DNAH7: variants seen among roughly 807,000 people sequenced by gnomAD.
DNAH7 encodes dynein axonemal heavy chain 7, also known as axonemal beta dynein heavy chain 7.
DNAH7 carries 397 observed loss-of-function variants against 444.6 expected under a neutral mutation model. The observed-to-expected ratio is 0.89, with a 90% CI of 0.82 to 0.97. The LOEUF (loss-of-function observed/expected upper bound fraction) is 0.97, where lower values mean the gene tolerates loss of function less well. Ranked by LOEUF, DNAH7 falls within the 50% of genes least tolerant of loss-of-function variation. DNAH7 has a pLI of 0.00. For missense variants in DNAH7, 4,902 were observed against 4,800.8 expected, an observed-to-expected ratio of 1.02 and a Z score of -0.62; for synonymous variants, 1,636 against 1,624.4, an observed-to-expected ratio of 1.01 and a Z score of -0.17.
At chr2:195,888,503 GT>G (rs575274000) in intron 32 of DNAH7, 69 bp from the exon 33 acceptor site, 3 of 1,449,770 alleles carry the variant, frequency 2.1e-6, no homozygotes, top group Non-Finnish European at 1.8e-6. Flanking sequence ...TGGCACCTCT[GT>G]TTTTTTATAA....
At chr2:195,993,006 G>C (rs1444349428) in intron 12 of DNAH7, among the ~76,000 whole-genome samples, 1 of 152,110 alleles carries the variant, frequency 6.6e-6, no homozygotes, top group African/African-American at 2.4e-5. Flanking sequence ...TCACACAATG[G>C]GAATGTCTTT....
chr2:195,747,627 C>T (rs1176606746), intron 63 of DNAH7, among the ~76,000 whole-genome samples: 2 of 152,160 alleles, frequency 1.3e-5, no homozygotes, highest in East Asian at 1.9e-4. Flanking sequence ...CATCAAAAAG[C>T]TTATCCACCA....
At chr2:195,974,676 C>G (rs1692063220) in intron 15 of DNAH7, among the ~76,000 whole-genome samples, 1 of 151,054 alleles carries the variant, frequency 6.6e-6, no homozygotes. Flanking sequence ...CATTCATAAC[C>G]AAAGAATCAC....
intron 54 of DNAH7, among the ~76,000 whole-genome samples, chr2:195,799,997 G>A (rs1201287332): frequency 1.3e-5 from 2 of 152,158 alleles, no homozygotes; most frequent in Non-Finnish European, 1.5e-5. Context: ...AATTTTCTGG[G>A]AGCCTGTTTG....
At chr2:195,980,022 AC>A (rs1317715786) in intron 15 of DNAH7, among the ~76,000 whole-genome samples, 13 of 138,820 alleles carry the variant, frequency 9.4e-5, no homozygotes, top group Non-Finnish European at 1.5e-4. Flanking sequence ...TGATGGCTTC[AC>A]TGCTGAATTC....
chr2:195,941,462 A>AC (rs1306511443), intron 19 of DNAH7, among the ~76,000 whole-genome samples: 10 of 151,746 alleles, frequency 6.6e-5, no homozygotes, highest in African/African-American at 2.4e-4. Flanking sequence ...AAAAAAAAAA[A>AC]AAAAAAACCT....
At chr2:196,047,076 T>C (rs975248991) in intron 5 of DNAH7, among the ~76,000 whole-genome samples, 3 of 152,096 alleles carry the variant, frequency 2.0e-5, no homozygotes, top group African/African-American at 7.2e-5. Context: ...CCTGCTAGAA[T>C]CCTCCACTGG....
chr2:195,968,265 C>T (rs1483393583), intron 17 of DNAH7, among the ~76,000 whole-genome samples: 1 of 152,134 alleles, frequency 6.6e-6, no homozygotes, highest in East Asian at 1.9e-4. Flanking sequence ...AGGCCCATAG[C>T]ATACCACCTG....
At chr2:195,802,153 T>C (rs1390406224) in intron 54 of DNAH7, among the ~76,000 whole-genome samples, 1 of 152,212 alleles carries the variant, frequency 6.6e-6, no homozygotes, top group East Asian at 1.9e-4. Flanking sequence ...CACCTACACA[T>C]AAAGTTTCAT....
At chr2:196,023,229 TC>T (rs1695484563) in intron 8 of DNAH7, among the ~76,000 whole-genome samples, 1 of 152,110 alleles carries the variant, frequency 6.6e-6, no homozygotes, top group Non-Finnish European at 1.5e-5. Context: ...TCCTGCTCTC[TC>T]CATGTGAGAT....
chr2:196,009,722 C>G (rs1456507723), intron 10 of DNAH7, among the ~76,000 whole-genome samples: 1 of 152,096 alleles, frequency 6.6e-6, no homozygotes, highest in African/African-American at 2.4e-5. Context: ...AGTAGAGAGA[C>G]AACCTACAGA....
intron 19 of DNAH7, among the ~76,000 whole-genome samples, chr2:195,957,036 A>C (rs1690714360): frequency 6.6e-6 from 1 of 152,214 alleles, no homozygotes; most frequent in Admixed American, 6.5e-5. Flanking sequence ...TTGTTAAACA[A>C]TGCAAATTCC....
intron 19 of DNAH7, among the ~76,000 whole-genome samples, chr2:195,945,344 T>C (rs1028065465): frequency 2.0e-5 from 3 of 152,132 alleles, no homozygotes; most frequent in African/African-American, 7.2e-5. Context: ...CAACAACCCA[T>C]CATGGTGGCT....
intron 1 of DNAH7, chr2:196,068,404 A>T (rs991321772): frequency 6.6e-6 from 3 of 452,200 alleles, no homozygotes; most frequent in African/African-American, 6.1e-5. Flanking sequence ...TCACCCAAGC[A>T]CACCGCCATT....
intron 5 of DNAH7, among the ~76,000 whole-genome samples, chr2:196,032,794 A>G (rs550101505): frequency 1.6e-4 from 24 of 152,348 alleles, no homozygotes; most frequent in Non-Finnish European, 2.4e-4. Flanking sequence ...CTGATATCAA[A>G]GCCAGACAAC....
chr2:195,975,398 A>T (rs1002386221), intron 15 of DNAH7, among the ~76,000 whole-genome samples: 1 of 152,186 alleles, frequency 6.6e-6, no homozygotes, highest in African/African-American at 2.4e-5. Context: ...CCAGAGGGAA[A>T]TCACCCATTC....
intron 24 of DNAH7, among the ~76,000 whole-genome samples, chr2:195,913,222 T>C (rs1687462993): frequency 6.6e-6 from 1 of 152,140 alleles, no homozygotes; most frequent in African/African-American, 2.4e-5. Context: ...AATTTAGTAT[T>C]TGGAATATAA....
chr2:195,993,774 C>T (rs1041299984), intron 12 of DNAH7, among the ~76,000 whole-genome samples: 3 of 152,138 alleles, frequency 2.0e-5, no homozygotes, highest in South Asian at 4.1e-4. Context: ...TTTGCATTTG[C>T]GGCAGTTCCA....
Position 195,738,026 on chromosome 2 carries a change from A to G in DNAH7, c.11970T>C (p.Thr3990=). The change falls in exon 65 of 65, where the codon ACT becomes ACC. Residue 3990 remains threonine (T), a synonymous_variant. Transcript: ENST00000312428. ...CAATCACAAAATTCGTGGAATGGCC[A>G]GTGGTGGATAATACTCCTCTCCGCT... ...TSERRGVLST[T]GHSTNFVIAM... is the part of the protein sequence containing the mutation. The G allele has an allele frequency of 6.2e-7, 1 of 1,614,082 alleles. No individual in the cohort carries two copies. Among genetic ancestry groups the G allele is most frequent in the East Asian group, 2.2e-5 (1 of 44,878 alleles).
Sources: allele counts gnomAD v4.1 joint callset (sites outside exome capture counted in the v4.1 genomes callset), GRCh38; gene constraint gnomAD v4.1.1; transcripts MANE v1.5; gene names NCBI Gene and HGNC (gene_info 2026-07-23, HGNC 2026-07-21).